Variants in MOXD1 observed in about 807,000 individuals in gnomAD.
MOXD1 encodes the protein DBH-like monooxygenase protein 1.
A neutral mutation model predicts 66.6 loss-of-function variants in MOXD1; 62 were observed. That is an observed-to-expected ratio of 0.93 (90% CI 0.76 to 1.15). The LOEUF (loss-of-function observed/expected upper bound fraction) is 1.15. Ranked by LOEUF, MOXD1 falls within the 50% of genes most tolerant of loss-of-function variation. The pLI is 0.00. For synonymous variants in MOXD1, 303 were observed against 281.9 expected (o/e 1.07, Z -0.75); for missense variants, 847 against 754.6 (o/e 1.12, Z -1.44).
intron 1 of MOXD1, chr6:132,391,970 G>A: frequency 2.0e-6 from 1 of 501,884 alleles, no homozygotes; most frequent in Non-Finnish European, 3.5e-6. Context: ...GACACTTGGA[G>A]AAGTCTCTTC....
In MOXD1 at chr6:132,328,722, G is replaced by A; in HGVS notation, c.664-128C>T. The A allele has an allele frequency of 2.3e-6, 2 of 886,254 alleles. 1 individual carries two copies. The highest frequency in any genetic ancestry group is 3.7e-5 in the South Asian group (2 of 54,146). 54.9% of individuals were successfully genotyped at this position (886,254 alleles called of 1,614,324 possible). A position where few individuals can be genotyped will look rare whatever the true frequency, so the allele number is the denominator to read the frequency against. ...GGGATATTCTTCTCAATTATGTCAA[G>A]GTTGTGTAGTTCAAGTCTAATTTGT... On this transcript the variant is annotated intron_variant, in intron 4 of 11. Transcript: ENST00000367963.
chr6:132,303,115 C>T (rs976289135), intron 10 of MOXD1, among the ~76,000 whole-genome samples: 27 of 152,100 alleles, frequency 1.8e-4, no homozygotes, highest in African/African-American at 4.1e-4. Flanking sequence ...AAAGTCTTCC[C>T]TTGAGTAGGC....
chr6:132,322,858 C>A lies in MOXD1; in HGVS notation c.1126G>T (p.Glu376Ter). The part of the protein sequence containing the change: ...LECLEEALEA[E>*]KPSGIHVFAV... Reference sequence around the variant, plus strand: ...AACACATGAATTCCACTTGGCTTTTCGGCTTCCAGAGCCTACAGGAGACAC... The same window carrying A: ...AACACATGAATTCCACTTGGCTTTTAGGCTTCCAGAGCCTACAGGAGACAC... Residue 376 changes from glutamate to a stop codon, truncating the protein, a stop_gained, in exon 8 of 12, where the codon GAA (glutamate) becomes TAA (stop). Coordinates refer to ENST00000367963, the MANE Select transcript of MOXD1 (RefSeq NM_015529.4). LOFTEE classifies it high-confidence loss of function. 1 of 1,612,930 alleles carries A rather than the reference C, an allele frequency of 6.2e-7. No individual in the cohort carries two copies. The highest frequency in any genetic ancestry group is 8.5e-7 in the Non-Finnish European group (1 of 1,179,476).
At chr6:132,306,111 C>A (rs863439) in intron 10 of MOXD1, among the ~76,000 whole-genome samples, 77,511 of 151,864 alleles carry the variant, frequency 0.51, 23,497 homozygotes, top group African/African-American at 0.84. Context: ...AAGCTAAGAA[C>A]CTTCATAAAA....
intron 4 of MOXD1, among the ~76,000 whole-genome samples, chr6:132,330,850 G>A (rs146705144): frequency 9.9e-5 from 15 of 152,248 alleles, no homozygotes; most frequent in African/African-American, 2.2e-4. Flanking sequence ...GTAGTGGGTC[G>A]TGTCTGAATG....
intron 4 of MOXD1, among the ~76,000 whole-genome samples, chr6:132,349,443 AT>A (rs980004448): frequency 3.5e-5 from 2 of 57,188 alleles, no homozygotes. Flanking sequence ...ATACATATAT[AT>A]ATATATACAT....
intron 4 of MOXD1, among the ~76,000 whole-genome samples, chr6:132,340,218 G>C (rs535988641): frequency 3.9e-5 from 6 of 152,108 alleles, no homozygotes; most frequent in South Asian, 4.2e-4. Context: ...GAACCTCTAG[G>C]CTAAGGGATT....
At chr6:132,303,876 T>TAC (rs1665578798) in intron 10 of MOXD1, among the ~76,000 whole-genome samples, 4 of 45,062 alleles carry the variant, frequency 8.9e-5, no homozygotes, top group Non-Finnish European at 1.5e-4. Flanking sequence ...TATATATATA[T>TAC]ATACATATAT....
chr6:132,389,019 G>T (rs1353240248), intron 1 of MOXD1, among the ~76,000 whole-genome samples: 2 of 151,188 alleles, frequency 1.3e-5, no homozygotes, highest in Non-Finnish European at 1.5e-5. Flanking sequence ...TTCAACGATT[G>T]CTGTGTCAGT....
chr6:132,310,888 T>C lies in MOXD1; in HGVS notation c.1508+4747A>G, dbSNP rs1749342512. 3.9e-5 allele frequency among the ~76,000 whole-genome samples: 6 copies of C among 152,086 alleles called. No homozygotes were observed. In the South Asian group the frequency reaches 1.2e-3, roughly 32 times the overall value. On this transcript the variant is annotated intron_variant, in intron 10 of 11. Coordinates refer to ENST00000367963, the MANE Select transcript of MOXD1 (RefSeq NM_015529.4). ...GGAGGGAATATAGAAGATGGGCCAA[T>C]AAGTGCAGCAAACCACCATGGCACT...
rs541083487 is a variant in MOXD1 at position 132,296,312 on chromosome 6, C to T, written c.*841G>A. 6.6e-5 allele frequency: 10 copies of T among 152,328 alleles called. No individual in the cohort carries two copies. The East Asian group carries it at 1.9e-3, about 29-fold the overall frequency. The allele number at this position is 152,328 out of a possible 1,614,324, so 9.4% of individuals were successfully genotyped here. A position where few individuals can be genotyped will look rare whatever the true frequency, so the allele number is the denominator to read the frequency against. On this transcript the variant is annotated 3_prime_UTR_variant, in exon 12 of 12. Coordinates refer to ENST00000367963, the MANE Select transcript of MOXD1 (RefSeq NM_015529.4). The stretch of plus-strand genomic sequence containing the variant: ...GGAACCATTCAGAACTTACACCCTC[C>T]TGGACTGGCTCACACGGCCTGTCTT...
At chr6:132,354,786 T>C (rs1406395708) in intron 4 of MOXD1, among the ~76,000 whole-genome samples, 1 of 152,118 alleles carries the variant, frequency 6.6e-6, no homozygotes, top group Non-Finnish European at 1.5e-5. Context: ...GGGGCAGGGC[T>C]AGGTGTGTCT....
At chr6:132,396,828 A>G (rs1207149303) in intron 1 of MOXD1, among the ~76,000 whole-genome samples, 2 of 152,250 alleles carry the variant, frequency 1.3e-5, no homozygotes, top group Non-Finnish European at 2.9e-5. Context: ...ATCAAGAAGA[A>G]CTAAAAAACC....
At chr6:132,317,000 G>A (rs1428791177) in intron 9 of MOXD1, among the ~76,000 whole-genome samples, 4 of 151,882 alleles carry the variant, frequency 2.6e-5, no homozygotes, top group Non-Finnish European at 4.4e-5. Flanking sequence ...TCATACTGCT[G>A]AAAACCAAAG....
intron 1 of MOXD1, among the ~76,000 whole-genome samples, chr6:132,387,800 T>C (rs960520546): frequency 6.7e-6 from 1 of 148,772 alleles, no homozygotes; most frequent in Non-Finnish European, 1.5e-5. Flanking sequence ...GTTTAAAATA[T>C]TTAGGATTAT....
intron 10 of MOXD1, among the ~76,000 whole-genome samples, chr6:132,308,610 G>A (rs527949299): frequency 1.2e-4 from 19 of 152,034 alleles, no homozygotes; most frequent in South Asian, 4.2e-4. Context: ...ACATCGATGC[G>A]AAAATACACA....
intron 7 of MOXD1, among the ~76,000 whole-genome samples, chr6:132,323,485 T>C (rs1278557927): frequency 6.6e-6 from 1 of 152,168 alleles, no homozygotes; most frequent in Non-Finnish European, 1.5e-5. Flanking sequence ...CTAAATATAC[T>C]TTTCTTCTAT....
chr6:132,346,282 T>C (rs1400912771), intron 4 of MOXD1, among the ~76,000 whole-genome samples: 1 of 152,194 alleles, frequency 6.6e-6, no homozygotes. Flanking sequence ...ATAAAAGTTT[T>C]CATATCCTGA....
chr6:132,365,872 A>G (rs1582596697), intron 4 of MOXD1, among the ~76,000 whole-genome samples: 1 of 152,316 alleles, frequency 6.6e-6, no homozygotes, highest in South Asian at 2.1e-4. Context: ...ACAAAGTTAC[A>G]GTTTCAGCCA....
Sources: allele counts gnomAD v4.1 joint callset (sites outside exome capture counted in the v4.1 genomes callset), GRCh38; gene constraint gnomAD v4.1.1; transcripts MANE v1.5; gene names NCBI Gene and HGNC (gene_info 2026-07-23, HGNC 2026-07-21).